The following KCNG4 variants were observed in gnomAD, a reference collection of about 807,000 sequenced individuals.
KCNG4 encodes the protein potassium voltage-gated channel modifier subfamily G member 4.
A neutral mutation model predicts 28.2 loss-of-function variants in KCNG4; 30 were observed. The ratio of observed to expected loss-of-function variants is 1.06; its 90% CI spans 0.80 to 1.44. The LOEUF (loss-of-function observed/expected upper bound fraction) is 1.44, where lower values mean the gene tolerates loss of function less well. Among genes scored for constraint, KCNG4 ranks in the 40% most tolerant of loss-of-function variants. KCNG4 has a pLI of 0.00. For synonymous variants in KCNG4, 375 were observed against 315.5 expected (o/e 1.19, Z -2.00); for missense variants, 879 against 712.3 (o/e 1.23, Z -2.66).
chr16:84,229,698 C>T (rs1489345261), intron 2 of KCNG4, among the ~76,000 whole-genome samples: 2 of 152,062 alleles, frequency 1.3e-5, no homozygotes, highest in African/African-American at 4.8e-5. Context: ...TTGCGGGGGG[C>T]TGGAGTTGGA....
At chr16:84,236,679 G>A (rs780551106) in intron 2 of KCNG4, 51 bp downstream of exon 2, 10 of 1,540,758 alleles carry the variant, frequency 6.5e-6, no homozygotes, top group South Asian at 2.4e-5. Context: ...AGACATCTCC[G>A]CCCAGGCACC....
intron 2 of KCNG4, among the ~76,000 whole-genome samples, chr16:84,225,752 T>C (rs1904682638): frequency 6.6e-6 from 1 of 152,242 alleles, no homozygotes; most frequent in Non-Finnish European, 1.5e-5. Flanking sequence ...ACTCAAGCCA[T>C]GCACACCGGC....
chr16:84,222,659 A>AGGCCG lies in KCNG4; in HGVS notation c.1113_1117dup (p.Leu373ProfsTer46). 1 of 1,613,320 alleles carries AGGCCG rather than the reference A, an allele frequency of 6.2e-7. No homozygotes were observed. Among genetic ancestry groups the AGGCCG allele is most frequent in the East Asian group, 2.2e-5 (1 of 44,862 alleles). The stretch of plus-strand genomic sequence containing the variant: ...GGCCACGGCCAGGAAGAGAAGGAGC[A>AGGCCG]GGCCGAACTCACGTGTGCAACGGCG... On this transcript the variant is annotated frameshift_variant, in exon 3 of 3. Transcript: ENST00000308251. LOFTEE classifies it high-confidence loss of function.
At position 84,222,417 on chromosome 16, in the gene KCNG4, A is replaced by G. The variant is rs767579833; in HGVS notation, c.1360T>C (p.Phe454Leu). Reference protein sequence around the residue: ...LIMAFPATSIFHTFSHSYLEL... With the variant: ...LIMAFPATSILHTFSHSYLEL... ...AGGTAGGAGTGGGAGAAGGTGTGGAAGATAGACGTGGCCGGGAAGGCCATG... is the reference window on the plus strand; with the variant it reads ...AGGTAGGAGTGGGAGAAGGTGTGGAGGATAGACGTGGCCGGGAAGGCCATG... Residue 454 changes from phenylalanine to leucine, a missense_variant, in exon 3 of 3, where the codon TTC (phenylalanine) becomes CTC (leucine). By Grantham distance (22) the Phe-to-Leu change is conservative. Coordinates refer to ENST00000308251, the MANE Select transcript of KCNG4 (RefSeq NM_172347.3). 5.0e-6 allele frequency: 8 copies of G among 1,614,034 alleles called. No homozygotes were observed. The highest frequency in any genetic ancestry group is 1.3e-5 in the African/African-American group (1 of 74,922).
intron 2 of KCNG4, among the ~76,000 whole-genome samples, chr16:84,230,669 AG>A (rs1212923975): frequency 2.0e-5 from 3 of 152,206 alleles, no homozygotes; most frequent in Admixed American, 6.5e-5. Context: ...ATGAGAGGGA[AG>A]GCGAGGACCA....
Position 84,221,195 on chromosome 16 carries a change from G to C in KCNG4, c.*1022C>G, listed in dbSNP as rs1391029816. 1 of 152,278 alleles carries C rather than the reference G, an allele frequency of 6.6e-6. No homozygotes were observed. Among genetic ancestry groups the C allele is most frequent in the Non-Finnish European group, 1.5e-5 (1 of 68,090 alleles). 9.4% of individuals were successfully genotyped at this position (152,278 alleles called of 1,614,324 possible). A position where few individuals can be genotyped will look rare whatever the true frequency, so the allele number is the denominator to read the frequency against. On this transcript the variant is annotated 3_prime_UTR_variant, in exon 3 of 3. Transcript: ENST00000308251. ...GTGAGCTAAGAATGTCTATCCTCCA[G>C]CATGGAGATGACTAGTCTGGGAAGC...
At chr16:84,223,102 T>C (rs756586136) in intron 2 of KCNG4, 82 bp from the exon 3 acceptor site, 33 of 1,124,628 alleles carry the variant, frequency 2.9e-5, no homozygotes, top group Non-Finnish European at 4.0e-5. Flanking sequence ...TTCATGCCCA[T>C]GAGCTTTGTG....
intron 2 of KCNG4, among the ~76,000 whole-genome samples, chr16:84,232,228 C>G (rs532653939): frequency 9.9e-5 from 15 of 152,142 alleles, no homozygotes; most frequent in Non-Finnish European, 1.8e-4. Flanking sequence ...CATATACATA[C>G]AGTGGAATAG....
Position 84,222,780 on chromosome 16 carries a change from C to A in KCNG4, c.997G>T (p.Gly333Trp), listed in dbSNP as rs1407452406. Reference protein sequence around the residue: ...PSGSSYLEKVGLVLRVLRALR... With the variant: ...PSGSSYLEKVWLVLRVLRALR... ...GCTCGCAGCACACGCAGGACCAGCC[C>A]CACCTTCTCCAGGTAGGAGCTCCCG... Residue 333 changes from glycine to tryptophan, a missense_variant, in exon 3 of 3, where the codon GGG becomes TGG. Transcript: ENST00000308251. The A allele has an allele frequency of 6.2e-7, 1 of 1,610,802 alleles. No homozygotes were observed. The highest frequency in any genetic ancestry group is 8.5e-7 in the Non-Finnish European group (1 of 1,177,992).
chr16:84,230,915 C>G (rs778600203), intron 2 of KCNG4, among the ~76,000 whole-genome samples: 45 of 152,230 alleles, frequency 3.0e-4, no homozygotes, highest in Non-Finnish European at 5.9e-4. Flanking sequence ...GGGTCTCCAG[C>G]CAGAGCAGGC....
chr16:84,234,233 G>C (rs1026664513), intron 2 of KCNG4, among the ~76,000 whole-genome samples: 4 of 152,146 alleles, frequency 2.6e-5, no homozygotes, highest in Admixed American at 1.3e-4. Context: ...GAGTGCAGTG[G>C]CACAATCTTG....
chr16:84,236,974 T>A lies in KCNG4; in HGVS notation c.512A>T (p.Glu171Val), dbSNP rs745522065. The A allele has an allele frequency of 4.3e-6, 7 of 1,613,664 alleles. No homozygotes were observed. In the Admixed American group the frequency reaches 1.2e-4, roughly 27 times the overall value. Residue 171 changes from glutamate (E) to valine (V), a missense_variant, in exon 2 of 3, where the codon GAG (glutamate) becomes GTG (valine). By Grantham distance (121) the Glu-to-Val change is moderately radical (BLOSUM62 -2). Coordinates refer to ENST00000308251, the MANE Select transcript of KCNG4 (RefSeq NM_172347.3). ...GTGCAGCTTGGCCAGCTCCTCCAGC[T>A]CCTCCAGCTTCCTCAGCAGCTTCCG... ...CLRKLLRKLEELEELAKLHRE... is the reference protein window; with the variant it reads ...CLRKLLRKLEVLEELAKLHRE...
intron 1 of KCNG4, 110 bp from the exon 2 acceptor site, chr16:84,237,635 G>T (rs1905007591): frequency 1.3e-5 from 8 of 624,296 alleles, no homozygotes; most frequent in Non-Finnish European, 1.9e-5. Context: ...TCCTGTGACT[G>T]CATCTGCATG....
chr16:84,229,606 T>G (rs1904778530), intron 2 of KCNG4, among the ~76,000 whole-genome samples: 2 of 152,220 alleles, frequency 1.3e-5, no homozygotes, highest in South Asian at 4.1e-4. Flanking sequence ...ACTCTCCCAG[T>G]GTCCAGCACA....
In KCNG4 at chr16:84,222,059, C is replaced by T; in HGVS notation, c.*158G>A. The stretch of plus-strand genomic sequence containing the variant: ...CATCGGGGCCCCGAGGGACAAGGAT[C>T]ACAGACACACAGCCTCTGTGGCCTT... On this transcript the variant is annotated 3_prime_UTR_variant, in exon 3 of 3. Coordinates refer to ENST00000308251, the MANE Select transcript of KCNG4 (RefSeq NM_172347.3). 3.6e-6 allele frequency: 3 copies of T among 826,992 alleles called. No homozygotes were observed. Among genetic ancestry groups the T allele is most frequent in the South Asian group, 3.3e-5 (2 of 60,296 alleles). 51.2% of individuals were successfully genotyped at this position (826,992 alleles called of 1,614,324 possible). A position where few individuals can be genotyped will look rare whatever the true frequency, so the allele number is the denominator to read the frequency against.
chr16:84,235,595 T>A (rs1358913575), intron 2 of KCNG4: 4 of 152,202 alleles, frequency 2.6e-5, no homozygotes, highest in Non-Finnish European at 2.9e-5. Flanking sequence ...GATCCTACTG[T>A]CTGTGAGGCA....
intron 2 of KCNG4, among the ~76,000 whole-genome samples, chr16:84,223,941 G>A (rs753392387): frequency 2.2e-4 from 33 of 152,110 alleles, no homozygotes; most frequent in Non-Finnish European, 4.3e-4. Context: ...TGCTGCCATC[G>A]ACATGCGGGA....
intron 2 of KCNG4, among the ~76,000 whole-genome samples, chr16:84,231,717 G>A (rs561569704): frequency 6.6e-6 from 1 of 152,240 alleles, no homozygotes; most frequent in Admixed American, 6.5e-5. Context: ...TCAAGTGAGA[G>A]TCGGGGTCGG....
At chr16:84,236,421 G>A (rs889622249) in intron 2 of KCNG4, 10 of 449,036 alleles carry the variant, frequency 2.2e-5, no homozygotes, top group Non-Finnish European at 3.9e-5. Context: ...TCACAGACTC[G>A]GGAGAGCTGG....
Sources: allele counts gnomAD v4.1 joint callset (sites outside exome capture counted in the v4.1 genomes callset), GRCh38; gene constraint gnomAD v4.1.1; transcripts MANE v1.5; gene names NCBI Gene and HGNC (gene_info 2026-07-23, HGNC 2026-07-21).